Variants in CDKAL1 observed in about 807,000 individuals in gnomAD.
The protein encoded by CDKAL1 is CDKAL1 threonylcarbamoyladenosine tRNA methylthiotransferase.
In CDKAL1, 32 loss-of-function variants were observed where a neutral mutation model predicts 68.2. The ratio of observed to expected loss-of-function variants is 0.47; its 90% CI spans 0.35 to 0.63. The LOEUF is 0.63. Ranked by LOEUF, CDKAL1 falls within the 30% of genes least tolerant of loss-of-function variation. The pLI is 0.00. For synonymous variants in CDKAL1, 234 were observed against 244.3 expected (o/e 0.96, Z 0.39); for missense variants, 606 against 696.7 (o/e 0.87, Z 1.47).
At chr6:20,820,699 G>A (rs1436238272) in intron 8 of CDKAL1, among the ~76,000 whole-genome samples, 1 of 152,070 alleles carries the variant, frequency 6.6e-6, no homozygotes, top group African/African-American at 2.4e-5. Flanking sequence ...CCTTGAGAAA[G>A]CCTTGATTCC....
rs909622951 is a variant in CDKAL1, at chr6:20,548,716, C to A, written c.286+11C>A. 10 of 1,162,594 alleles carry A rather than the reference C, an allele frequency of 8.6e-6. No individual in the cohort carries two copies. The highest frequency in any genetic ancestry group is 1.0e-5 in the Non-Finnish European group (8 of 788,486). 72.0% of individuals were successfully genotyped at this position (1,162,594 alleles called of 1,614,324 possible). On this transcript the variant is annotated intron_variant, in intron 4 of 15. Transcript: ENST00000274695. ...GCTATAAAATTACAGGTAATGAGATCTATAATATATTTTATTGATTAAATT... is the reference window on the plus strand; with the variant it reads ...GCTATAAAATTACAGGTAATGAGATATATAATATATTTTATTGATTAAATT...
At chr6:21,207,257 GTGGT>G (rs1778977355) in intron 15 of CDKAL1, among the ~76,000 whole-genome samples, 1 of 151,826 alleles carries the variant, frequency 6.6e-6, no homozygotes. Context: ...GCCTGATGCA[GTGGT>G]TCACGCCTGT....
intron 9 of CDKAL1, among the ~76,000 whole-genome samples, chr6:20,882,695 G>C (rs1760882716): frequency 6.6e-6 from 1 of 152,052 alleles, no homozygotes; most frequent in African/African-American, 2.4e-5. Context: ...ATCACTTGAA[G>C]CATCCTAGGT....
chr6:20,612,990 T>TACACACACACACACAC (rs55999857), intron 4 of CDKAL1, among the ~76,000 whole-genome samples: 5 of 130,056 alleles, frequency 3.8e-5, no homozygotes, highest in South Asian at 2.7e-4. Flanking sequence ...TTGCAATTTC[T>TACACACACACACACAC]ACACACACAC....
intron 2 of CDKAL1, among the ~76,000 whole-genome samples, chr6:20,538,241 T>C (rs1763254887): frequency 1.3e-5 from 2 of 152,126 alleles, no homozygotes; most frequent in African/African-American, 4.8e-5. Flanking sequence ...TTTTTTTTTT[T>C]TTCTTTTCTG....
chr6:20,868,439 C>A (rs1303987515), intron 9 of CDKAL1, among the ~76,000 whole-genome samples: 1 of 152,188 alleles, frequency 6.6e-6, no homozygotes, highest in African/African-American at 2.4e-5. Flanking sequence ...AGCTGCTCCC[C>A]AATAGCCATT....
chr6:20,650,741 G>A (rs1169806102), intron 5 of CDKAL1, among the ~76,000 whole-genome samples: 12 of 152,158 alleles, frequency 7.9e-5, no homozygotes, highest in Admixed American at 6.5e-4. Flanking sequence ...TAAGGTATAA[G>A]GAAGGGGTCC....
At chr6:21,033,663 C>T (rs1316209824) in intron 11 of CDKAL1, among the ~76,000 whole-genome samples, 3 of 152,162 alleles carry the variant, frequency 2.0e-5, no homozygotes, top group Admixed American at 6.6e-5. Context: ...GAATGCCTTC[C>T]CTGCCCGCCT....
chr6:20,947,056 A>C (rs979686054), intron 9 of CDKAL1, among the ~76,000 whole-genome samples: 1 of 152,220 alleles, frequency 6.6e-6, no homozygotes, highest in Admixed American at 6.5e-5. Context: ...TATCTGGTAC[A>C]TAATAGGTGT....
chr6:20,839,791 G>A (rs1421011285), intron 8 of CDKAL1, among the ~76,000 whole-genome samples: 3 of 151,996 alleles, frequency 2.0e-5, no homozygotes, highest in South Asian at 2.1e-4. Context: ...TATTTTACTG[G>A]ATACCTTTCT....
At chr6:21,107,531 A>T (rs1184785176) in intron 12 of CDKAL1, among the ~76,000 whole-genome samples, 2 of 151,834 alleles carry the variant, frequency 1.3e-5, no homozygotes, top group Non-Finnish European at 2.9e-5. Context: ...AGGTTCAAGT[A>T]ATTCTCCTGC....
At chr6:20,788,431 A>G (rs573999858) in intron 8 of CDKAL1, among the ~76,000 whole-genome samples, 1 of 152,278 alleles carries the variant, frequency 6.6e-6, no homozygotes, top group Admixed American at 6.5e-5. Context: ...TGTAAGCTTT[A>G]TGGGTGGCAG....
intron 12 of CDKAL1, among the ~76,000 whole-genome samples, chr6:21,105,764 A>G (rs551478753): frequency 6.6e-6 from 1 of 152,346 alleles, no homozygotes; most frequent in East Asian, 1.9e-4. Context: ...GAATAGAAAC[A>G]GAAGCAAGAC....
intron 11 of CDKAL1, among the ~76,000 whole-genome samples, chr6:21,036,427 G>A (rs1253216224): frequency 1.3e-5 from 2 of 152,102 alleles, no homozygotes; most frequent in African/African-American, 4.8e-5. Flanking sequence ...AGCAAGTCAA[G>A]GTGTTAAGCT....
intron 4 of CDKAL1, among the ~76,000 whole-genome samples, chr6:20,613,249 C>CTTTTTTTTTTTTTTTTTTTTTTTTTTTT (rs71559677): frequency 1.3e-5 from 1 of 77,866 alleles, no homozygotes. Context: ...AAATTTCTTT[C>CTTTTTTTTTTTTTTTTTTTTTTTTTTTT]TTTTTTTTTT....
At chr6:20,890,456 A>G (rs1761334931) in intron 9 of CDKAL1, among the ~76,000 whole-genome samples, 1 of 152,388 alleles carries the variant, frequency 6.6e-6, no homozygotes, top group Non-Finnish European at 1.5e-5. Flanking sequence ...AAAATCAGTG[A>G]GCAATAAATA....
chr6:20,996,834 A>G (rs4712578), intron 10 of CDKAL1, among the ~76,000 whole-genome samples: 108,389 of 152,098 alleles, frequency 0.71, 39,404 homozygotes, highest in East Asian at 0.88. Context: ...GCACAATAAA[A>G]TGATGTATGC....
chr6:20,988,970 TTTTAAGTCTTTTATCCTGAAG>T (rs1203121877), intron 10 of CDKAL1, among the ~76,000 whole-genome samples: 1 of 150,984 alleles, frequency 6.6e-6, no homozygotes, highest in East Asian at 2.0e-4. Flanking sequence ...GAACCACTGG[TTTTAAGTCTTTTATCCTGAAG>T]TAGCGCGTGT....
intron 11 of CDKAL1, among the ~76,000 whole-genome samples, chr6:21,050,562 G>A (rs766989288): frequency 1.3e-5 from 2 of 152,164 alleles, no homozygotes; most frequent in African/African-American, 4.8e-5. Flanking sequence ...GCTGGGTCTC[G>A]GGCCTTTTAT....
Sources: gnomAD v4.1 joint callset for allele counts (sites outside exome capture counted in the v4.1 genomes callset) on GRCh38, gnomAD v4.1.1 for gene constraint, MANE v1.5 for transcripts, NCBI Gene and HGNC (gene_info 2026-07-23, HGNC 2026-07-21) for gene names.